The following GARNL3 variants were observed in gnomAD, a reference collection of about 807,000 sequenced individuals.
The protein encoded by GARNL3 is GTPase activating Rap/RanGAP domain like 3, also known as GTPase-activating Rap/Ran-GAP domain-like protein 3.
GARNL3 carries 63 observed loss-of-function variants against 125.0 expected under a neutral mutation model. That is an observed-to-expected ratio of 0.50 (90% CI 0.41 to 0.62). The LOEUF is 0.62. Among genes scored for constraint, GARNL3 ranks in the 20% least tolerant of loss-of-function variants. GARNL3 has a pLI of 0.00. For synonymous variants in GARNL3, 439 were observed against 457.5 expected (o/e 0.96, Z 0.52); for missense variants, 994 against 1,244.0 (o/e 0.80, Z 3.02).
At chr9:127,322,231 T>C (rs368226046) in intron 6 of GARNL3, among the ~76,000 whole-genome samples, 5 of 152,122 alleles carry the variant, frequency 3.3e-5, no homozygotes, top group African/African-American at 1.2e-4. Context: ...CTAATCCTTC[T>C]TTAAGCCTTG....
At chr9:127,263,918 A>G, upstream of GARNL3, 3 of 1,488,222 alleles carry the variant, frequency 2.0e-6, no homozygotes, top group South Asian at 4.0e-5. Context: ...GTTGCTAAAC[A>G]TCAGAGTCAG....
chr9:127,344,350 T>G lies in GARNL3; in HGVS notation c.1356+11T>G. 6.4e-7 allele frequency: 1 copy of G among 1,559,860 alleles called. No individual in the cohort carries two copies. The highest frequency in any genetic ancestry group is 8.8e-7 in the Non-Finnish European group (1 of 1,130,908). On this transcript the variant is annotated intron_variant, in intron 15 of 27. Transcript: ENST00000373387. ...GTTAGAATAGGGCAGGTGGGTTTTC[T>G]TCTGAAACCTTTTCTGCGAGACATG...
At chr9:127,250,648 G>C (rs916382098) in intron 2 of GARNL3, among the ~76,000 whole-genome samples, 4 of 152,180 alleles carry the variant, frequency 2.6e-5, no homozygotes, top group African/African-American at 9.7e-5. Context: ...AGAGTCATTA[G>C]AACAGAGCTA....
At chr9:127,357,804 G>A (rs1830769357) in intron 21 of GARNL3, among the ~76,000 whole-genome samples, 1 of 151,600 alleles carries the variant, frequency 6.6e-6, no homozygotes, top group Non-Finnish European at 1.5e-5. Flanking sequence ...AAGACATGAA[G>A]AGTCAAAAGG....
At chr9:127,291,530 A>C (rs1324324189) in intron 2 of GARNL3, among the ~76,000 whole-genome samples, 1 of 152,182 alleles carries the variant, frequency 6.6e-6, no homozygotes, top group Non-Finnish European at 1.5e-5. Flanking sequence ...GAGTCCCAGT[A>C]CTTCCTCTGC....
intron 1 of GARNL3, among the ~76,000 whole-genome samples, chr9:127,269,524 C>T (rs1318889930): frequency 3.9e-5 from 6 of 152,216 alleles, no homozygotes; most frequent in Admixed American, 1.3e-4. Flanking sequence ...TACTGTTTTA[C>T]ATTTCCACCA....
chr9:127,380,200 A>ATG (rs55906930), intron 22 of GARNL3, among the ~76,000 whole-genome samples: 30,618 of 141,476 alleles, frequency 0.22, 3,363 homozygotes, highest in Admixed American at 0.34. Flanking sequence ...CTCAAAAAAT[A>ATG]TGTGTGTGTG....
At chr9:127,247,082 CTT>C (rs981635717) in intron 2 of GARNL3, among the ~76,000 whole-genome samples, 41 of 152,024 alleles carry the variant, frequency 2.7e-4, no homozygotes, top group African/African-American at 9.9e-4. Flanking sequence ...TAGTTTGCCT[CTT>C]GTGTGGTGAA....
rs1264933766 is a variant in GARNL3 at position 127,392,329 on chromosome 9, C to T, written c.2871-754C>T. Among the ~76,000 whole-genome samples, 3 of 152,332 alleles carry T rather than the reference C, an allele frequency of 2.0e-5. No homozygotes were observed. The East Asian group carries it at 5.8e-4, about 29-fold the overall frequency. Reference sequence around the variant, plus strand: ...TTGAGAAGAAGTGACGGGGCTGGCACATAGAAGGTCTACTCTGAGAGAGGG... The same window carrying T: ...TTGAGAAGAAGTGACGGGGCTGGCATATAGAAGGTCTACTCTGAGAGAGGG... On this transcript the variant is annotated intron_variant, in intron 27 of 27. Coordinates refer to ENST00000373387, the MANE Select transcript of GARNL3 (RefSeq NM_032293.5). This position sits in a 1 kb window ranked among gnomAD's most constrained non-coding sequence, Gnocchi z 5.2.
At chr9:127,341,304 G>A (rs985556518) in intron 13 of GARNL3, among the ~76,000 whole-genome samples, 2 of 152,236 alleles carry the variant, frequency 1.3e-5, no homozygotes, top group African/African-American at 4.8e-5. Flanking sequence ...GCCAGGCAGG[G>A]AGCATGAGCA....
At chr9:127,315,312 A>G (rs1017654478) in intron 4 of GARNL3, among the ~76,000 whole-genome samples, 81 of 152,300 alleles carry the variant, frequency 5.3e-4, no homozygotes, top group African/African-American at 1.9e-3. Context: ...CCCAACTGCC[A>G]GCACACATCT....
At chr9:127,286,563 G>A (rs920940430) in intron 1 of GARNL3, among the ~76,000 whole-genome samples, 1 of 151,868 alleles carries the variant, frequency 6.6e-6, no homozygotes, top group Non-Finnish European at 1.5e-5. Flanking sequence ...TACTCTTTAC[G>A]GGCATTTTCT....
chr9:127,332,152 A>C, intron 7 of GARNL3, 122 bp from the exon 8 acceptor site: 30 of 670,494 alleles, frequency 4.5e-5, no homozygotes, highest in Middle Eastern at 2.6e-4. Context: ...GATGGGAGGA[A>C]GGGATCCCCT....
chr9:127,322,250 C>T (rs1333548593), intron 6 of GARNL3, among the ~76,000 whole-genome samples: 2 of 151,888 alleles, frequency 1.3e-5, no homozygotes, highest in African/African-American at 4.8e-5. Flanking sequence ...TGGTCTGATC[C>T]CCCACACCAA....
In GARNL3 at chr9:127,331,720, C is replaced by CTTTTT. The variant is rs60448026; in HGVS notation, c.595-543_595-539dup. Among the ~76,000 whole-genome samples the CTTTTT allele has an allele frequency of 1.8e-3, 131 of 74,400 alleles. 10 individuals carry two copies. The South Asian group carries it at 0.024, about 13-fold the overall frequency. The allele number at this position is 74,400 out of a possible 152,430, so 48.8% of individuals were successfully genotyped here. A position where few individuals can be genotyped will look rare whatever the true frequency, so the allele number is the denominator to read the frequency against. On this transcript the variant is annotated intron_variant, in intron 7 of 27. Transcript: ENST00000373387. ...CTACTGCTTGCTTGGCTTGGGCTTG[C>CTTTTT]TTTTTTTTTTTTTTTCACATCTGTT...
chr9:127,391,270 G>A (rs1161898944), intron 27 of GARNL3, among the ~76,000 whole-genome samples: 1 of 149,300 alleles, frequency 6.7e-6, no homozygotes, highest in Non-Finnish European at 1.5e-5. Context: ...GGGTAACAGA[G>A]CAAGACTTCA....
intron 4 of GARNL3, among the ~76,000 whole-genome samples, chr9:127,313,962 T>C (rs1225708630): frequency 6.6e-6 from 1 of 152,184 alleles, no homozygotes; most frequent in African/African-American, 2.4e-5. Flanking sequence ...AGAAGAGAAC[T>C]GTGGATCCAC....
At chr9:127,315,585 G>C (rs1197609670) in intron 4 of GARNL3, among the ~76,000 whole-genome samples, 1 of 151,722 alleles carries the variant, frequency 6.6e-6, no homozygotes, top group East Asian at 1.9e-4. Context: ...AGGCTGCAGT[G>C]AGCTATGATT....
chr9:127,231,228 G>GTTTTTTTTTTTTTT (rs34963289), intron 1 of GARNL3, among the ~76,000 whole-genome samples: 83 of 100,448 alleles, frequency 8.3e-4, no homozygotes, highest in South Asian at 1.3e-3. Flanking sequence ...CTAATTTTTT[G>GTTTTTTTTTTTTTT]TTTTTTTTTT....
Sources: gnomAD v4.1 joint callset for allele counts (sites outside exome capture counted in the v4.1 genomes callset) on GRCh38, gnomAD v4.1.1 for gene constraint, Gnocchi (gnomAD v3.1) non-coding constraint, MANE v1.5 for transcripts, NCBI Gene and HGNC (gene_info 2026-07-23, HGNC 2026-07-21) for gene names.